Variants in PLXDC2 observed in about 807,000 individuals in gnomAD.
The protein encoded by PLXDC2 is plexin domain containing 2.
A neutral mutation model predicts 68.9 loss-of-function variants in PLXDC2; 40 were observed. The ratio of observed to expected loss-of-function variants is 0.58; its 90% confidence interval spans 0.45 to 0.76. The LOEUF is 0.76. Among genes scored for constraint, PLXDC2 ranks in the 30% least tolerant of loss-of-function variants. PLXDC2 has a pLI of 0.00. For missense variants in PLXDC2, 644 were observed against 661.9 expected, an observed-to-expected ratio of 0.97 and a Z score of 0.30; for synonymous variants, 243 against 234.2, an observed-to-expected ratio of 1.04 and a Z score of -0.34.
intron 12 of PLXDC2, among the ~76,000 whole-genome samples, chr10:20,229,308 T>G (rs1211378260): frequency 6.6e-6 from 1 of 151,854 alleles, no homozygotes; most frequent in African/African-American, 2.4e-5. Flanking sequence ...GAGGTCATGG[T>G]GTTTAGGAGT....
intron 1 of PLXDC2, among the ~76,000 whole-genome samples, chr10:19,949,307 G>T (rs568950840): frequency 6.6e-6 from 1 of 152,146 alleles, no homozygotes; most frequent in South Asian, 2.1e-4. Context: ...AAGGCTAGTT[G>T]AATACTTGAC....
chr10:19,867,726 A>T (rs1446599872), intron 1 of PLXDC2, among the ~76,000 whole-genome samples: 1 of 152,012 alleles, frequency 6.6e-6, no homozygotes, highest in Non-Finnish European at 1.5e-5. Flanking sequence ...CAACAGCATC[A>T]CATCTTCAAA....
intron 5 of PLXDC2, among the ~76,000 whole-genome samples, chr10:20,144,569 A>G (rs1314805738): frequency 6.6e-6 from 1 of 152,190 alleles, no homozygotes; most frequent in Non-Finnish European, 1.5e-5. Context: ...TTTAAGAACT[A>G]TTATATTCTC....
rs372654529 is a variant in PLXDC2 at position 20,143,273 on chromosome 10, T to C, written c.542-22T>C. 13 of 1,590,688 alleles carry C rather than the reference T, an allele frequency of 8.2e-6. No individual in the cohort carries two copies. The Admixed American group carries it at 2.1e-4, about 26-fold the overall frequency. Reference sequence around the variant, plus strand: ...ATATGGGCTTCTTTTTCTGAATATGTTTCCTATTTTTCTAATTCTAGGTTT... The same window carrying C: ...ATATGGGCTTCTTTTTCTGAATATGCTTCCTATTTTTCTAATTCTAGGTTT... On this transcript the variant is annotated intron_variant, in intron 4 of 13. Coordinates refer to ENST00000377252, the MANE Select transcript of PLXDC2 (RefSeq NM_032812.9).
intron 3 of PLXDC2, among the ~76,000 whole-genome samples, chr10:20,053,189 C>A (rs1442365787): frequency 6.6e-6 from 1 of 152,062 alleles, no homozygotes; most frequent in African/African-American, 2.4e-5. Flanking sequence ...CAGCCATAAT[C>A]ATTAGTATTT....
At chr10:20,191,187 T>A (rs1834759686) in intron 9 of PLXDC2, among the ~76,000 whole-genome samples, 1 of 152,006 alleles carries the variant, frequency 6.6e-6, no homozygotes, top group African/African-American at 2.4e-5. Flanking sequence ...AAAATAAGAT[T>A]TATTGGTTGA....
At chr10:20,277,882 A>G (rs1836028931) in intron 13 of PLXDC2, among the ~76,000 whole-genome samples, 1 of 152,076 alleles carries the variant, frequency 6.6e-6, no homozygotes, top group Admixed American at 6.6e-5. Context: ...CTTCTACTCT[A>G]TCTCCATGAG....
chr10:19,841,949 A>G (rs1040615476), intron 1 of PLXDC2, among the ~76,000 whole-genome samples: 1 of 152,192 alleles, frequency 6.6e-6, no homozygotes, highest in East Asian at 1.9e-4. Context: ...AGAAACAAAC[A>G]CCCCAATGGA....
chr10:20,248,998 A>T (rs1313866065), intron 13 of PLXDC2, among the ~76,000 whole-genome samples: 1 of 152,232 alleles, frequency 6.6e-6, no homozygotes, highest in African/African-American at 2.4e-5. Flanking sequence ...CAGCATGCAG[A>T]AATGATGACT....
At chr10:20,164,321 T>G in intron 6 of PLXDC2, 147 bp from the exon 7 acceptor site, 1 of 665,644 alleles carries the variant, frequency 1.5e-6, no homozygotes, top group Non-Finnish European at 2.6e-6. Flanking sequence ...GTTTCGTATG[T>G]CTCTCTTTTC....
intron 9 of PLXDC2, among the ~76,000 whole-genome samples, chr10:20,184,357 AT>A (rs1329553480): frequency 6.7e-6 from 1 of 148,150 alleles, no homozygotes; most frequent in Non-Finnish European, 1.5e-5. Context: ...ATATATAAAA[AT>A]TATATGTAAT....
At chr10:20,001,650 A>T in intron 1 of PLXDC2, 125 bp from the exon 2 acceptor site, 1 of 780,436 alleles carries the variant, frequency 1.3e-6, no homozygotes, top group Non-Finnish European at 2.1e-6. Context: ...AAACAGATTT[A>T]ACTGTTACAA....
intron 2 of PLXDC2, among the ~76,000 whole-genome samples, chr10:20,042,356 T>G (rs879698056): frequency 1.3e-5 from 2 of 152,228 alleles, no homozygotes; most frequent in Non-Finnish European, 2.9e-5. Context: ...TACCTTTAAA[T>G]GAACTGTGTA....
rs146920753 is a variant in PLXDC2, at chr10:20,070,521, C to T, written c.541+2282C>T. Reference sequence around the variant, plus strand: ...CAAGAAGTATGTCTTTTGACCTCATCGGATATATCCAGTATAGTGCCAGGC... The same window carrying T: ...CAAGAAGTATGTCTTTTGACCTCATTGGATATATCCAGTATAGTGCCAGGC... On this transcript the variant is annotated intron_variant, in intron 4 of 13. Transcript: ENST00000377252. Among the ~76,000 whole-genome samples, 399 of 152,168 alleles carry T rather than the reference C, an allele frequency of 2.6e-3. 2 individuals carry two copies. Among genetic ancestry groups the T allele is most frequent in the African/African-American group, 9.1e-3 (376 of 41,526 alleles).
intron 13 of PLXDC2, among the ~76,000 whole-genome samples, chr10:20,254,940 A>G (rs1430990320): frequency 6.6e-6 from 1 of 152,218 alleles, no homozygotes; most frequent in Non-Finnish European, 1.5e-5. Context: ...TCTTTTATAA[A>G]TGACATCCTT....
At chr10:20,054,368 C>G (rs73603696) in intron 3 of PLXDC2, among the ~76,000 whole-genome samples, 10,341 of 151,916 alleles carry the variant, frequency 0.068, 691 homozygotes, top group African/African-American at 0.17. Context: ...GAGTCTCTCT[C>G]AGATCAATAA....
At position 20,211,730 on chromosome 10, in the gene PLXDC2, G is replaced by T; in HGVS notation, c.1122+1G>T. On this transcript the variant is annotated splice_donor_variant, in intron 10 of 13. Coordinates refer to ENST00000377252, the MANE Select transcript of PLXDC2 (RefSeq NM_032812.9). LOFTEE classifies it high-confidence loss of function. ...GGTGGACAGTGGATGCCCTGAAGAG[G>T]TACACATGCTTTATTGTGACAGAAT... is the stretch of plus-strand genomic sequence containing the variant. 6.2e-7 allele frequency: 1 copy of T among 1,612,676 alleles called. No individual in the cohort carries two copies. Among genetic ancestry groups the T allele is most frequent in the Non-Finnish European group, 8.5e-7 (1 of 1,179,032 alleles).
chr10:19,831,664 A>G (rs952787999), intron 1 of PLXDC2, among the ~76,000 whole-genome samples: 6 of 152,150 alleles, frequency 3.9e-5, no homozygotes, highest in African/African-American at 1.4e-4. Context: ...GCTCCCACTT[A>G]TAAGTAAGAA....
chr10:20,039,739 T>C (rs1473682158), intron 2 of PLXDC2, among the ~76,000 whole-genome samples: 3 of 152,178 alleles, frequency 2.0e-5, no homozygotes, highest in African/African-American at 7.2e-5. Context: ...ATAATGTGTT[T>C]ATTATAAAAA....
Sources: gnomAD v4.1 joint callset for allele counts (sites outside exome capture counted in the v4.1 genomes callset) on GRCh38, gnomAD v4.1.1 for gene constraint, MANE v1.5 for transcripts, NCBI Gene and HGNC (gene_info 2026-07-23, HGNC 2026-07-21) for gene names.